AIG1: variants seen among roughly 807,000 people sequenced by gnomAD.
AIG1 encodes androgen-induced gene 1 protein.
A neutral mutation model predicts 31.4 loss-of-function variants in AIG1; 23 were observed. The observed-to-expected ratio is 0.73, with a 90% confidence interval of 0.53 to 1.04. The LOEUF (loss-of-function observed/expected upper bound fraction) is 1.04. Ranked by LOEUF, AIG1 falls within the 50% of genes least tolerant of loss-of-function variation. The probability of loss-of-function intolerance (pLI) is 0.00; values close to 1 mark genes in which losing one functional copy is unlikely to be tolerated. For missense variants in AIG1, 274 were observed against 295.0 expected (o/e 0.93, Z 0.52); for synonymous variants, 100 against 110.5 (o/e 0.90, Z 0.60).
At chr6:143,077,103 A>G (rs1321536768) in intron 1 of AIG1, among the ~76,000 whole-genome samples, 2 of 152,232 alleles carry the variant, frequency 1.3e-5, no homozygotes, top group African/African-American at 4.8e-5. Context: ...GGAATAGTTT[A>G]TCACTTCAAG....
In AIG1 at chr6:143,292,649, AAGTCTGTGG is replaced by A. The variant is rs1798132825; in HGVS notation, c.515+8425_515+8433del. On this transcript the variant is annotated intron_variant, in intron 4 of 5. Transcript: ENST00000357847. The surrounding 1 kb of genome is among the most constrained non-coding windows in gnomAD (Gnocchi z 4.9). ...ATGAATATGTGTTGTTTTAAGCCAC[AAGTCTGTGG>A]CAATGTGTCATAGTAGCAAGAAAAA... Among the ~76,000 whole-genome samples the A allele has an allele frequency of 6.6e-6, 1 of 152,242 alleles. No homozygotes were observed. Among genetic ancestry groups the A allele is most frequent in the Admixed American group, 6.5e-5 (1 of 15,288 alleles).
chr6:143,266,551 A>G (rs1200456631), intron 3 of AIG1, among the ~76,000 whole-genome samples: 1 of 152,136 alleles, frequency 6.6e-6, no homozygotes, highest in African/African-American at 2.4e-5. Flanking sequence ...GATTGTGGTA[A>G]TCATTTAACA....
In AIG1 at chr6:143,249,274, G is replaced by T. The variant is rs117071636; in HGVS notation, c.400-34836G>T. Among the ~76,000 whole-genome samples, 289 of 152,318 alleles carry T rather than the reference G, an allele frequency of 1.9e-3. 1 individual carries two copies. The highest frequency in any genetic ancestry group is 0.017 in the Middle Eastern group (5 of 294). ...TTTGAAGCTCTTTCCTCAATACACT[G>T]TCAGTAACATAGTGACGGAATGATC... On this transcript the variant is annotated intron_variant, in intron 3 of 5. Transcript: ENST00000357847.
chr6:143,171,477 A>AT (rs1472206462), intron 3 of AIG1, among the ~76,000 whole-genome samples: 2 of 120,992 alleles, frequency 1.7e-5, no homozygotes, highest in African/African-American at 6.8e-5. Context: ...TAATATATAT[A>AT]ATATATATTA....
At chr6:143,112,808 T>A (rs767436042) in intron 1 of AIG1, among the ~76,000 whole-genome samples, 8 of 152,256 alleles carry the variant, frequency 5.3e-5, no homozygotes, top group South Asian at 4.2e-4. Flanking sequence ...GCATTTTTGA[T>A]CCTCACATGT....
intron 3 of AIG1, among the ~76,000 whole-genome samples, chr6:143,179,471 A>G (rs1408885089): frequency 6.6e-6 from 1 of 152,180 alleles, no homozygotes; most frequent in Non-Finnish European, 1.5e-5. Flanking sequence ...CACGTCATCA[A>G]CTCGGTCTTG....
intron 1 of AIG1, among the ~76,000 whole-genome samples, chr6:143,090,591 T>C (rs1205524391): frequency 2.0e-5 from 3 of 152,220 alleles, no homozygotes; most frequent in Non-Finnish European, 2.9e-5. Flanking sequence ...ACAGTACATA[T>C]AAAAGTTATG....
At chr6:143,189,381 C>T (rs1789581298) in intron 3 of AIG1, 1 of 977,616 alleles carries the variant, frequency 1.0e-6, no homozygotes, top group Non-Finnish European at 1.2e-6. Flanking sequence ...CACACCCAGC[C>T]CCTGCTCACA....
At chr6:143,239,317 C>T (rs1380642703) in intron 3 of AIG1, among the ~76,000 whole-genome samples, 1 of 152,168 alleles carries the variant, frequency 6.6e-6, no homozygotes, top group African/African-American at 2.4e-5. Flanking sequence ...AAGTGAAAGT[C>T]CTCTGAATAT....
chr6:143,248,806 T>G (rs1210099223), intron 3 of AIG1, among the ~76,000 whole-genome samples: 1 of 152,220 alleles, frequency 6.6e-6, no homozygotes. Context: ...AGCAACCATA[T>G]TTTTAAAAGT....
chr6:143,190,590 A>G (rs1199547432), intron 3 of AIG1: 1 of 985,316 alleles, frequency 1.0e-6, no homozygotes, highest in East Asian at 1.1e-4. Context: ...GCATTTTCTT[A>G]CAAAAAACTT....
At chr6:143,109,503 T>G (rs1333296237) in intron 1 of AIG1, among the ~76,000 whole-genome samples, 1 of 152,248 alleles carries the variant, frequency 6.6e-6, no homozygotes, top group African/African-American at 2.4e-5. Context: ...CCAGTTATCC[T>G]GTGTCCTCAC....
chr6:143,237,993 TG>T (rs1793940103), intron 3 of AIG1, among the ~76,000 whole-genome samples: 2 of 152,162 alleles, frequency 1.3e-5, no homozygotes, highest in African/African-American at 4.8e-5. Flanking sequence ...TAGGCTGGAG[TG>T]CAGTGGCACG....
intron 1 of AIG1, among the ~76,000 whole-genome samples, chr6:143,076,621 T>C (rs549134294): frequency 3.9e-5 from 6 of 152,200 alleles, no homozygotes; most frequent in Admixed American, 3.9e-4. Context: ...TTATTTATTA[T>C]CCTTTTTTTG....
intron 1 of AIG1, among the ~76,000 whole-genome samples, chr6:143,087,866 A>T (rs1778947682): frequency 6.6e-6 from 1 of 152,222 alleles, no homozygotes; most frequent in Non-Finnish European, 1.5e-5. Flanking sequence ...AATAATGGCA[A>T]TGATCACTCA....
At chr6:143,267,543 G>T (rs1013393053) in intron 3 of AIG1, among the ~76,000 whole-genome samples, 11 of 152,070 alleles carry the variant, frequency 7.2e-5, no homozygotes, top group Admixed American at 7.2e-4. Flanking sequence ...TGTACCTTTT[G>T]AATAGTCTTT....
chr6:143,253,179 A>C (rs1179947916), intron 3 of AIG1, among the ~76,000 whole-genome samples: 1 of 152,236 alleles, frequency 6.6e-6, no homozygotes, highest in Non-Finnish European at 1.5e-5. Context: ...GGAATCATTG[A>C]AAAACATCTT....
intron 3 of AIG1, among the ~76,000 whole-genome samples, chr6:143,239,932 A>G (rs1475156734): frequency 6.6e-6 from 1 of 152,272 alleles, no homozygotes; most frequent in Non-Finnish European, 1.5e-5. Flanking sequence ...GAGGCCAAAT[A>G]GCTCCCTGTA....
chr6:143,122,145 T>C (rs544721337), intron 1 of AIG1, among the ~76,000 whole-genome samples: 56 of 152,328 alleles, frequency 3.7e-4, no homozygotes, highest in African/African-American at 1.3e-3. Flanking sequence ...TTAGTTTCTC[T>C]TAGGAGAAGT....
Sources: gnomAD v4.1 joint callset for allele counts (sites outside exome capture counted in the v4.1 genomes callset) on GRCh38, gnomAD v4.1.1 for gene constraint, Gnocchi (gnomAD v3.1) non-coding constraint, MANE v1.5 for transcripts, NCBI Gene and HGNC (gene_info 2026-07-23, HGNC 2026-07-21) for gene names.